The following HEG1 variants were observed in gnomAD, a reference collection of about 807,000 sequenced individuals.
HEG1 encodes heart development protein with EGF like domains 1, also known as protein HEG homolog 1.
In HEG1, 56 loss-of-function variants were observed where a neutral mutation model predicts 125.6. That is an observed-to-expected ratio of 0.45 (90% CI 0.36 to 0.56). The LOEUF (loss-of-function observed/expected upper bound fraction) is 0.56. HEG1 is among the 20% of genes least tolerant of loss of function. The pLI is 0.00. For synonymous variants in HEG1, 644 were observed against 668.5 expected, an observed-to-expected ratio of 0.96 and a Z score of 0.57; for missense variants, 1,523 against 1,670.0, an observed-to-expected ratio of 0.91 and a Z score of 1.53.
At chr3:124,991,064 C>A (rs1407034307) in intron 12 of HEG1, 78 bp from the exon 13 acceptor site, 3 of 1,081,986 alleles carry the variant, frequency 2.8e-6, no homozygotes, top group Non-Finnish European at 4.1e-6. Flanking sequence ...GCCAGCCACC[C>A]TAAAGTCCAC....
intron 14 of HEG1, among the ~76,000 whole-genome samples, chr3:124,986,950 C>T (rs1419653409): frequency 6.6e-6 from 1 of 152,242 alleles, no homozygotes; most frequent in East Asian, 1.9e-4. Flanking sequence ...TAATGCCCTG[C>T]AGCTCACACC....
intron 14 of HEG1, among the ~76,000 whole-genome samples, chr3:124,989,498 T>C (rs1184509940): frequency 1.0e-5 from 1 of 100,132 alleles, no homozygotes; most frequent in African/African-American, 3.2e-5. Context: ...TATGATATGC[T>C]ATATCCCCAA....
At chr3:125,027,641 TG>T in intron 2 of HEG1, 134 bp from the exon 3 acceptor site, 1 of 765,334 alleles carries the variant, frequency 1.3e-6, no homozygotes, top group African/African-American at 1.8e-5. Context: ...ATTCAGTCTA[TG>T]AAAAATAAAC....
chr3:125,042,428 C>CA lies in HEG1; in HGVS notation c.317-12941dup, dbSNP rs932318623. On this transcript the variant is annotated intron_variant, in intron 1 of 16. Transcript: ENST00000311127. The stretch of plus-strand genomic sequence containing the variant: ...GGGTGACAGAGCAAGACTCTTGTCT[C>CA]AAAAAAAATAAAAAAATAAAAAAGT... 4.1e-4 allele frequency among the ~76,000 whole-genome samples: 61 copies of CA among 149,928 alleles called. 1 individual carries two copies. Among genetic ancestry groups the CA allele is most frequent in the South Asian group, 1.3e-3 (6 of 4,616 alleles).
intron 14 of HEG1, among the ~76,000 whole-genome samples, chr3:124,980,497 C>T (rs72978581): frequency 0.028 from 4,193 of 152,288 alleles, 181 homozygotes; most frequent in African/African-American, 0.094. Flanking sequence ...CTCAAACTAT[C>T]TGTGGTCAAG....
At chr3:125,027,553 A>G (rs766890544) in intron 2 of HEG1, 46 bp from the exon 3 acceptor site, 2 of 1,498,320 alleles carry the variant, frequency 1.3e-6, no homozygotes, top group East Asian at 4.5e-5. Flanking sequence ...CAGACTTCAA[A>G]ATGTCTTAAT....
At chr3:125,020,502 C>G (rs936086174) in intron 4 of HEG1, among the ~76,000 whole-genome samples, 2 of 152,096 alleles carry the variant, frequency 1.3e-5, no homozygotes, top group African/African-American at 4.8e-5. Context: ...GAAGATGGAA[C>G]CAAGAACCCT....
chr3:124,975,936 G>A (rs1936527831), intron 15 of HEG1, among the ~76,000 whole-genome samples: 1 of 152,214 alleles, frequency 6.6e-6, no homozygotes, highest in Non-Finnish European at 1.5e-5. Flanking sequence ...AACATTGGTA[G>A]AGTTTTCACC....
chr3:124,990,009 C>T (rs1936803897), intron 14 of HEG1, among the ~76,000 whole-genome samples: 2 of 152,318 alleles, frequency 1.3e-5, no homozygotes, highest in African/African-American at 2.4e-5. Context: ...GTCCCCAGAA[C>T]ACCAAGGGCC....
At chr3:125,044,446 T>C (rs1173029439) in intron 1 of HEG1, among the ~76,000 whole-genome samples, 1 of 152,182 alleles carries the variant, frequency 6.6e-6, no homozygotes. Context: ...ATTATTATTG[T>C]TATATTGCAG....
chr3:125,021,594 C>T (rs1937336336), intron 3 of HEG1, among the ~76,000 whole-genome samples: 1 of 152,156 alleles, frequency 6.6e-6, no homozygotes, highest in African/African-American at 2.4e-5. Context: ...CTGCAAGGTG[C>T]CCCACCCCAG....
intron 12 of HEG1, among the ~76,000 whole-genome samples, chr3:124,992,069 T>A (rs2107692306): frequency 6.6e-6 from 1 of 152,234 alleles, no homozygotes; most frequent in East Asian, 1.9e-4. Context: ...CTGACACCCT[T>A]CCATGAGAAG....
chr3:124,999,043 C>G (rs1936963490), intron 11 of HEG1, among the ~76,000 whole-genome samples: 1 of 152,192 alleles, frequency 6.6e-6, no homozygotes, highest in Non-Finnish European at 1.5e-5. Flanking sequence ...TGCAAAACTG[C>G]CCCTGCCCAG....
At chr3:124,981,279 C>A (rs536081832) in intron 14 of HEG1, among the ~76,000 whole-genome samples, 2 of 146,502 alleles carry the variant, frequency 1.4e-5, no homozygotes, top group African/African-American at 5.1e-5. Flanking sequence ...ACAGTCAACT[C>A]GACTGTGGAC....
At chr3:125,018,016 G>C (rs1207637773) in intron 5 of HEG1, among the ~76,000 whole-genome samples, 1 of 150,930 alleles carries the variant, frequency 6.6e-6, no homozygotes, top group Non-Finnish European at 1.5e-5. Flanking sequence ...GCAACAGAGA[G>C]AGACTCCATC....
chr3:125,012,747 G>C lies in HEG1; in HGVS notation c.2832C>G (p.Leu944=). Residue 944 remains leucine (L), a synonymous_variant, in exon 6 of 17, where the codon CTC becomes CTG. Transcript: ENST00000311127. ...TAEYSPASRS[L]GTSPSPQTTV... is the part of the protein sequence containing the mutation. ...TGGTTTGGGGAGAAGGAGATGTTCC[G>C]AGGGAACGTGAAGCTGGGCTGTACT... 1.9e-6 allele frequency: 3 copies of C among 1,613,984 alleles called. No individual in the cohort carries two copies. Among genetic ancestry groups the C allele is most frequent in the Non-Finnish European group, 2.5e-6 (3 of 1,179,884 alleles).
At chr3:125,029,164 C>A (rs372061303) in intron 2 of HEG1, 31 bp downstream of exon 2, 103 of 1,595,190 alleles carry the variant, frequency 6.5e-5, no homozygotes, top group Non-Finnish European at 8.0e-5. Flanking sequence ...GACACACATG[C>A]GTGAAATGCG....
At chr3:125,023,790 A>G (rs1560029299) in intron 3 of HEG1, among the ~76,000 whole-genome samples, 1 of 152,218 alleles carries the variant, frequency 6.6e-6, no homozygotes, top group Non-Finnish European at 1.5e-5. Flanking sequence ...ATCTGGGAGC[A>G]GAAACAAGCC....
At chr3:125,031,732 GCACA>G (rs1937505620) in intron 1 of HEG1, among the ~76,000 whole-genome samples, 1 of 145,538 alleles carries the variant, frequency 6.9e-6, no homozygotes, top group East Asian at 2.0e-4. Context: ...ACACACACAG[GCACA>G]CATACACACA....
Sources: allele counts gnomAD v4.1 joint callset (sites outside exome capture counted in the v4.1 genomes callset), GRCh38; gene constraint gnomAD v4.1.1; transcripts MANE v1.5; gene names NCBI Gene and HGNC (gene_info 2026-07-23, HGNC 2026-07-21).